Variants in KIAA2012 observed in about 807,000 individuals in gnomAD.
The protein encoded by KIAA2012 is uncharacterized protein KIAA2012.
In KIAA2012, 125 loss-of-function variants were observed where a neutral mutation model predicts 150.6. That is an observed-to-expected ratio of 0.83 (90% CI 0.72 to 0.96). KIAA2012 has a LOEUF of 0.96. KIAA2012 is among the 40% of genes least tolerant of loss of function. The pLI is 0.00. For synonymous variants in KIAA2012, 462 were observed against 504.7 expected, an observed-to-expected ratio of 0.92 and a Z score of 1.13; for missense variants, 1,219 against 1,354.9, an observed-to-expected ratio of 0.90 and a Z score of 1.57.
At chr2:202,078,795 C>T (rs7560988) in intron 2 of KIAA2012, among the ~76,000 whole-genome samples, 152,027 of 152,344 alleles carry the variant, frequency 1, 75,855 homozygotes, top group Non-Finnish European at 1. Context: ...GCACAGAGAA[C>T]TCGAGTGACT....
chr2:202,171,112 T>TACAC (rs10532176), intron 15 of KIAA2012, among the ~76,000 whole-genome samples: 5 of 149,724 alleles, frequency 3.3e-5, no homozygotes, highest in South Asian at 2.1e-4. Flanking sequence ...AAAGAAATAC[T>TACAC]ACACACACAC....
At position 202,125,356 on chromosome 2, in the gene KIAA2012, A is replaced by G. The variant is rs112615368; in HGVS notation, c.1831+74A>G. 252 of 1,180,340 alleles carry G rather than the reference A, an allele frequency of 2.1e-4. No individual in the cohort carries two copies. In the African/African-American group the frequency reaches 3.1e-3, roughly 15 times the overall value. The allele number at this position is 1,180,340 out of a possible 1,614,324, so 73.1% of individuals were successfully genotyped here. A position where few individuals can be genotyped will look rare whatever the true frequency, so the allele number is the denominator to read the frequency against. On this transcript the variant is annotated intron_variant, in intron 12 of 23. Coordinates refer to ENST00000498697, the MANE Select transcript of KIAA2012 (RefSeq NM_001277372.4). ...CTCATGATCATATTATTTCATATAT[A>G]GACCTCCAGAAACCCACAATTTCTC...
chr2:202,101,010 G>A (rs1024379801), intron 7 of KIAA2012, among the ~76,000 whole-genome samples: 1 of 152,178 alleles, frequency 6.6e-6, no homozygotes, highest in African/African-American at 2.4e-5. Context: ...AGGCACCAGT[G>A]ATGAATGGGG....
Position 202,103,089 on chromosome 2 carries a change from C to G in KIAA2012, c.1299C>G (p.Pro433=). ...AGATTCATTACCACACCAAACAACC[C>G]CCAAAAGAGAAAGCCCACAGAAGAG... is the stretch of plus-strand genomic sequence containing the variant. ...PVEIHYHTKQ[P]PKEKAHRRGA... The change falls in exon 8 of 24, where the codon CCC becomes CCG. Residue 433 remains proline (P), a synonymous_variant. Transcript: ENST00000498697. 6.4e-7 allele frequency: 1 copy of G among 1,550,556 alleles called. No individual in the cohort carries two copies. The highest frequency in any genetic ancestry group is 8.7e-7 in the Non-Finnish European group (1 of 1,146,988).
At chr2:202,098,285 GGGA>G (rs903390332) in intron 5 of KIAA2012, among the ~76,000 whole-genome samples, 4 of 152,192 alleles carry the variant, frequency 2.6e-5, no homozygotes, top group Admixed American at 2.0e-4. Context: ...GCTTGAACCT[GGGA>G]GGAGGAGGTT....
At chr2:202,158,826 G>T (rs1162983525) in intron 14 of KIAA2012, among the ~76,000 whole-genome samples, 1 of 152,178 alleles carries the variant, frequency 6.6e-6, no homozygotes, top group Non-Finnish European at 1.5e-5. Flanking sequence ...GGTCATGGTA[G>T]TAGGGAAGAA....
chr2:202,097,400 A>T, intron 4 of KIAA2012, 35 bp from the exon 5 acceptor site: 1 of 1,548,070 alleles, frequency 6.5e-7, no homozygotes, highest in Non-Finnish European at 8.7e-7. Context: ...GTCCATTTCC[A>T]GGGTGACAAG....
At chr2:202,190,050 T>C (rs1692296959) in intron 18 of KIAA2012, 124 bp from the exon 19 acceptor site, 10 of 742,666 alleles carry the variant, frequency 1.3e-5, no homozygotes, top group Non-Finnish European at 2.1e-5. Context: ...ATCGTGCCAC[T>C]GCTCTCCAGC....
chr2:202,196,777 C>T, intron 21 of KIAA2012, 23 bp from the exon 22 acceptor site: 2 of 1,547,878 alleles, frequency 1.3e-6, no homozygotes, highest in Non-Finnish European at 1.7e-6. Context: ...CCTGCTGAGC[C>T]CACCCCCTTT....
intron 13 of KIAA2012, among the ~76,000 whole-genome samples, chr2:202,145,678 C>CTTTTTT (rs36059685): frequency 2.0e-3 from 152 of 75,298 alleles, no homozygotes; most frequent in Middle Eastern, 0.013. Flanking sequence ...TTGAGAGGGT[C>CTTTTTT]TTTTTTTTTT....
chr2:202,194,041 C>A, intron 20 of KIAA2012, 149 bp from the exon 21 acceptor site: 1 of 837,246 alleles, frequency 1.2e-6, no homozygotes, highest in Non-Finnish European at 1.8e-6. Context: ...ATCCTGGCTT[C>A]CCTTGGAAAA....
At chr2:202,134,506 A>C (rs921381651) in intron 12 of KIAA2012, among the ~76,000 whole-genome samples, 1 of 152,224 alleles carries the variant, frequency 6.6e-6, no homozygotes, top group African/African-American at 2.4e-5. Flanking sequence ...TCCCATACCA[A>C]GGCAAATATG....
At chr2:202,196,650 C>A in intron 21 of KIAA2012, 150 bp from the exon 22 acceptor site, 1 of 927,168 alleles carries the variant, frequency 1.1e-6, no homozygotes, top group South Asian at 1.8e-5. Context: ...CCAAGGTACT[C>A]CCCAGAGAGG....
intron 15 of KIAA2012, among the ~76,000 whole-genome samples, chr2:202,184,276 C>G (rs138196019): frequency 6.6e-6 from 1 of 151,242 alleles, no homozygotes; most frequent in Non-Finnish European, 1.5e-5. Context: ...TCCAGCTACT[C>G]GGGAGGCTGA....
At chr2:202,178,903 C>A in intron 15 of KIAA2012, 1 of 201,662 alleles carries the variant, frequency 5.0e-6, no homozygotes, top group Non-Finnish European at 1.0e-5. Context: ...GGCGGGGAAA[C>A]CACAAAATAA....
intron 2 of KIAA2012, among the ~76,000 whole-genome samples, chr2:202,088,332 A>C (rs554190534): frequency 2.1e-4 from 32 of 152,320 alleles, no homozygotes; most frequent in African/African-American, 7.0e-4. Context: ...GGACAAGAAA[A>C]AGGAGAAAAG....
chr2:202,112,346 C>T (rs1214164825), intron 10 of KIAA2012, among the ~76,000 whole-genome samples: 1 of 152,234 alleles, frequency 6.6e-6, no homozygotes, highest in Non-Finnish European at 1.5e-5. Context: ...GGCACGGAAG[C>T]TCGGCACATG....
chr2:202,152,972 T>C (rs1412432000), intron 13 of KIAA2012, among the ~76,000 whole-genome samples: 1 of 152,304 alleles, frequency 6.6e-6, no homozygotes, highest in East Asian at 1.9e-4. Flanking sequence ...TATTAATGTA[T>C]GTGACCCCAG....
At chr2:202,125,725 G>A in intron 12 of KIAA2012, 2 of 380,120 alleles carry the variant, frequency 5.3e-6, no homozygotes, top group Non-Finnish European at 1.0e-5. Context: ...CTGAGGCCAG[G>A]TCTGCCTCTC....
Sources: allele counts gnomAD v4.1 joint callset (sites outside exome capture counted in the v4.1 genomes callset), GRCh38; gene constraint gnomAD v4.1.1; transcripts MANE v1.5; gene names NCBI Gene and HGNC (gene_info 2026-07-23, HGNC 2026-07-21).